The following KLHL7 variants were observed in gnomAD, a reference collection of about 807,000 sequenced individuals.
KLHL7 encodes the protein kelch-like protein 7.
Under a neutral mutation model 67.4 loss-of-function variants are expected in KLHL7, and 44 were observed. That is an observed-to-expected ratio of 0.65 (90% CI 0.51 to 0.84). The LOEUF (loss-of-function observed/expected upper bound fraction) is 0.84, where lower values mean the gene tolerates loss of function less well. Ranked by LOEUF, KLHL7 falls within the 40% of genes least tolerant of loss-of-function variation. KLHL7 has a pLI of 0.00. For missense variants in KLHL7, 362 were observed against 718.1 expected (o/e 0.50, Z 5.67); for synonymous variants, 252 against 243.3 (o/e 1.04, Z -0.33).
intron 5 of KLHL7, among the ~76,000 whole-genome samples, chr7:23,141,705 C>G (rs1784189230): frequency 6.6e-6 from 1 of 152,152 alleles, no homozygotes. Context: ...TCACTGCAAG[C>G]TCCTTCTCCC....
intron 2 of KLHL7, 27 bp downstream of exon 2, chr7:23,123,906 A>G: frequency 1.4e-6 from 2 of 1,408,070 alleles, no homozygotes; most frequent in South Asian, 1.2e-5. Flanking sequence ...AAAACATGCC[A>G]TTATTTCTTC....
intron 6 of KLHL7, among the ~76,000 whole-genome samples, chr7:23,147,701 T>C (rs983740365): frequency 1.3e-5 from 2 of 152,208 alleles, no homozygotes; most frequent in African/African-American, 2.4e-5. Context: ...GAACGGTGTT[T>C]GCTTTTGCCA....
chr7:23,108,444 A>C (rs569398586), intron 1 of KLHL7, among the ~76,000 whole-genome samples: 68 of 152,240 alleles, frequency 4.5e-4, no homozygotes, highest in African/African-American at 1.5e-3. Context: ...TGGGATACAT[A>C]TAAGAGGGCA....
chr7:23,119,727 A>ATTTTTT (rs1001470996), intron 1 of KLHL7, among the ~76,000 whole-genome samples: 1 of 151,150 alleles, frequency 6.6e-6, no homozygotes, highest in Non-Finnish European at 1.5e-5. Context: ...GATCCCTCAC[A>ATTTTTT]TTTTTTTTGT....
intron 5 of KLHL7, 100 bp downstream of exon 5, chr7:23,141,044 G>A: frequency 1.9e-6 from 2 of 1,033,254 alleles, no homozygotes; most frequent in Admixed American, 1.7e-5. Context: ...AGTCATATTA[G>A]GAAAGAATAT....
intron 4 of KLHL7, among the ~76,000 whole-genome samples, chr7:23,134,544 T>G (rs568513079): frequency 6.6e-6 from 1 of 152,326 alleles, no homozygotes; most frequent in African/African-American, 2.4e-5. Context: ...AGTTCCTCTT[T>G]AAATATTTGG....
intron 5 of KLHL7, among the ~76,000 whole-genome samples, chr7:23,143,033 A>G (rs189155818): frequency 9.2e-5 from 14 of 152,340 alleles, no homozygotes; most frequent in African/African-American, 3.1e-4. Context: ...TTTTCTATAA[A>G]TCTAAAACTA....
intron 10 of KLHL7, among the ~76,000 whole-genome samples, 164 bp from the exon 11 acceptor site, chr7:23,173,851 G>T (rs1462915735): frequency 1.3e-5 from 2 of 152,144 alleles, no homozygotes; most frequent in African/African-American, 2.4e-5. Flanking sequence ...TAAGAATTTA[G>T]GTGGTGGCTA....
At chr7:23,107,666 A>T (rs1328440229) in intron 1 of KLHL7, among the ~76,000 whole-genome samples, 4 of 152,232 alleles carry the variant, frequency 2.6e-5, no homozygotes, top group Non-Finnish European at 1.5e-5. Context: ...CAATAGAAGT[A>T]CAATTACTGA....
Position 23,175,538 on chromosome 7 carries a change from C to A in KLHL7, c.*1240C>A. Reference sequence around the variant, plus strand: ...ATAGAGGTTATAATAGTCTTAAACCCTAAAAATGTTTAAATCAAAAAGGAA... The same window carrying A: ...ATAGAGGTTATAATAGTCTTAAACCATAAAAATGTTTAAATCAAAAAGGAA... On this transcript the variant is annotated 3_prime_UTR_variant, in exon 11 of 11. Coordinates refer to ENST00000339077, the MANE Select transcript of KLHL7 (RefSeq NM_001031710.3). 2 of 315,058 alleles carry A rather than the reference C, an allele frequency of 6.3e-6. No individual in the cohort carries two copies. Among genetic ancestry groups the A allele is most frequent in the Non-Finnish European group, 6.1e-6 (1 of 163,464 alleles). 19.5% of individuals were successfully genotyped at this position (315,058 alleles called of 1,614,324 possible).
intron 7 of KLHL7, among the ~76,000 whole-genome samples, chr7:23,164,366 AG>A (rs1196640228): frequency 1.3e-5 from 2 of 152,332 alleles, no homozygotes; most frequent in African/African-American, 4.8e-5. Flanking sequence ...GTAGATATGA[AG>A]AACATTTAAG....
At position 23,175,360 on chromosome 7, in the gene KLHL7, C is replaced by T. The variant is rs978244099; in HGVS notation, c.*1062C>T. 7 of 453,106 alleles carry T rather than the reference C, an allele frequency of 1.5e-5. No individual in the cohort carries two copies. The highest frequency in any genetic ancestry group is 1.0e-4 in the African/African-American group (5 of 49,966). 28.1% of individuals were successfully genotyped at this position (453,106 alleles called of 1,614,324 possible). A position where few individuals can be genotyped will look rare whatever the true frequency, so the allele number is the denominator to read the frequency against. On this transcript the variant is annotated 3_prime_UTR_variant, in exon 11 of 11. Coordinates refer to ENST00000339077, the MANE Select transcript of KLHL7 (RefSeq NM_001031710.3). ...CTTTTTCACTGTGTATGGAATGAAA[C>T]ATGTAAAGCTGTCACAATCAATGTT... is the stretch of plus-strand genomic sequence containing the variant.
chr7:23,116,417 T>G (rs898200953), intron 1 of KLHL7, among the ~76,000 whole-genome samples: 3 of 152,212 alleles, frequency 2.0e-5, no homozygotes, highest in Non-Finnish European at 4.4e-5. Flanking sequence ...TGTCACCTAT[T>G]TGTGTCAAAA....
In KLHL7 at chr7:23,126,644, T is replaced by G. The variant is rs1783584153; in HGVS notation, c.442+1472T>G. Among the ~76,000 whole-genome samples, 4 of 152,204 alleles carry G rather than the reference T, an allele frequency of 2.6e-5. No individual in the cohort carries two copies. The South Asian group carries it at 8.3e-4, about 32-fold the overall frequency. On this transcript the variant is annotated intron_variant, in intron 4 of 10. Transcript: ENST00000339077. ...TCCTCTGTCCCTACTTTTTGTAGGC[T>G]TTCCTCCTTCCGGACACTTTAGTAC... is the stretch of plus-strand genomic sequence containing the variant.
chr7:23,166,416 A>T (rs996859484), intron 8 of KLHL7, among the ~76,000 whole-genome samples: 2 of 152,184 alleles, frequency 1.3e-5, no homozygotes, highest in African/African-American at 2.4e-5. Flanking sequence ...ATTGAGCAGA[A>T]TGGGATGTGG....
At chr7:23,126,774 G>A (rs1010699787) in intron 4 of KLHL7, among the ~76,000 whole-genome samples, 13 of 152,118 alleles carry the variant, frequency 8.5e-5, no homozygotes, top group Non-Finnish European at 1.9e-4. Flanking sequence ...TCAGGTGAAG[G>A]GAATAAAAAT....
At chr7:23,141,613 C>A (rs538288443) in intron 5 of KLHL7, among the ~76,000 whole-genome samples, 83 of 151,458 alleles carry the variant, frequency 5.5e-4, no homozygotes, top group South Asian at 1.0e-3. Context: ...TTATTTAATT[C>A]ATTCATTCAT....
intron 9 of KLHL7, among the ~76,000 whole-genome samples, chr7:23,168,810 T>C (rs2128469842): frequency 6.6e-6 from 1 of 152,360 alleles, no homozygotes; most frequent in East Asian, 1.9e-4. Flanking sequence ...CCCATCGTTC[T>C]TCCCTTACTA....
intron 1 of KLHL7, chr7:23,106,847 C>CTT (rs112396697): frequency 1.6e-4 from 129 of 817,536 alleles, no homozygotes; most frequent in South Asian, 1.7e-4. Flanking sequence ...AACAAAGAGG[C>CTT]TTTTTTTTTT....
Sources: allele counts gnomAD v4.1 joint callset (sites outside exome capture counted in the v4.1 genomes callset), GRCh38; gene constraint gnomAD v4.1.1; transcripts MANE v1.5; gene names NCBI Gene and HGNC (gene_info 2026-07-23, HGNC 2026-07-21).